Variants in USH2A observed in about 807,000 individuals in gnomAD.
USH2A encodes the protein usherin.
A neutral mutation model predicts 538.9 loss-of-function variants in USH2A; 443 were observed. The ratio of observed to expected loss-of-function variants is 0.82; its 90% CI spans 0.76 to 0.89. The LOEUF (loss-of-function observed/expected upper bound fraction) is 0.89, where lower values mean the gene tolerates loss of function less well. USH2A is among the 40% of genes least tolerant of loss of function. The pLI, the probability that USH2A is intolerant of heterozygous loss-of-function variation, is 0.00. For synonymous variants in USH2A, 2,413 were observed against 2,273.5 expected (o/e 1.06, Z -1.75); for missense variants, 6,633 against 6,324.8 (o/e 1.05, Z -1.65).
chr1:216,279,217 T>C (rs902444852), intron 11 of USH2A, among the ~76,000 whole-genome samples: 7 of 152,214 alleles, frequency 4.6e-5, no homozygotes, highest in Middle Eastern at 3.2e-3. Flanking sequence ...CACACAACTT[T>C]TTAATTCCCT....
intron 21 of USH2A, among the ~76,000 whole-genome samples, chr1:216,167,084 C>A (rs1034760311): frequency 6.6e-6 from 1 of 151,994 alleles, no homozygotes; most frequent in South Asian, 2.1e-4. Context: ...TCCAAACAAA[C>A]GGCCTATGGC....
intron 35 of USH2A, among the ~76,000 whole-genome samples, chr1:215,973,770 G>C (rs554295934): frequency 5.6e-4 from 85 of 151,546 alleles, no homozygotes; most frequent in African/African-American, 1.9e-3. Context: ...AGAGCAGACA[G>C]TTATTGAAAG....
intron 70 of USH2A, among the ~76,000 whole-genome samples, chr1:215,630,482 GTATATA>G (rs1158726890): frequency 0.024 from 545 of 22,460 alleles, 3 homozygotes; most frequent in East Asian, 0.053. Context: ...ATGTGTGTGT[GTATATA>G]TATATATATA....
At chr1:216,414,773 A>AT (rs1028681332) in intron 3 of USH2A, among the ~76,000 whole-genome samples, 1 of 152,080 alleles carries the variant, frequency 6.6e-6, no homozygotes, top group African/African-American at 2.4e-5. Flanking sequence ...ATTTGTGGCC[A>AT]TTTGGAAGAT....
intron 32 of USH2A, among the ~76,000 whole-genome samples, chr1:216,031,151 TTAA>T (rs1669112487): frequency 6.6e-6 from 1 of 152,010 alleles, no homozygotes; most frequent in Non-Finnish European, 1.5e-5. Flanking sequence ...TCAGGGGCTG[TTAA>T]TAATGGTATT....
chr1:216,036,071 T>C (rs559205008), intron 32 of USH2A, among the ~76,000 whole-genome samples: 34 of 152,118 alleles, frequency 2.2e-4, no homozygotes, highest in Non-Finnish European at 3.4e-4. Context: ...ATACATAACG[T>C]TTTGATGGTG....
intron 61 of USH2A, 101 bp from the exon 62 acceptor site, chr1:215,680,477 C>T: frequency 8.7e-7 from 1 of 1,153,100 alleles, no homozygotes; most frequent in Non-Finnish European, 1.3e-6. Flanking sequence ...AGCTTGTAGG[C>T]AACAGCAGCG....
chr1:215,949,999 T>C (rs1301953211), intron 37 of USH2A, among the ~76,000 whole-genome samples: 1 of 152,144 alleles, frequency 6.6e-6, no homozygotes, highest in Middle Eastern at 3.2e-3. Flanking sequence ...TAGAGCAACC[T>C]ACCATTTTTA....
chr1:216,223,966 T>A (rs1347002137), intron 14 of USH2A, among the ~76,000 whole-genome samples: 1 of 152,176 alleles, frequency 6.6e-6, no homozygotes, highest in Non-Finnish European at 1.5e-5. Flanking sequence ...AGAACTTCCC[T>A]GTATTTTATG....
intron 9 of USH2A, among the ~76,000 whole-genome samples, chr1:216,313,906 T>A (rs1051134219): frequency 1.3e-5 from 2 of 152,188 alleles, no homozygotes; most frequent in African/African-American, 2.4e-5. Context: ...AGAAATTAAT[T>A]TCTTACACTT....
chr1:216,033,596 C>T (rs1326100333), intron 32 of USH2A, among the ~76,000 whole-genome samples: 3 of 152,152 alleles, frequency 2.0e-5, no homozygotes, highest in Non-Finnish European at 4.4e-5. Flanking sequence ...AATAGGGCAA[C>T]AGCAGTTTGG....
At chr1:216,165,122 A>C (rs1467911877) in intron 21 of USH2A, among the ~76,000 whole-genome samples, 4 of 152,174 alleles carry the variant, frequency 2.6e-5, no homozygotes, top group African/African-American at 7.2e-5. Flanking sequence ...TGATGCTGTT[A>C]ATCCATCCAT....
intron 58 of USH2A, among the ~76,000 whole-genome samples, chr1:215,751,039 T>C (rs993161325): frequency 6.6e-6 from 1 of 152,154 alleles, no homozygotes; most frequent in Non-Finnish European, 1.5e-5. Context: ...ATTTATAAGT[T>C]AAGAAAAGTG....
At chr1:215,731,918 G>A (rs1571629999) in intron 60 of USH2A, among the ~76,000 whole-genome samples, 1 of 152,162 alleles carries the variant, frequency 6.6e-6, no homozygotes, top group Non-Finnish European at 1.5e-5. Flanking sequence ...TTAGTTCAAT[G>A]ACCTTGGGTG....
In USH2A at chr1:216,325,613, G is replaced by A; in HGVS notation, c.849-14C>T. ...TCCAGAATCTCTCTGTGGGAGTCAA[G>A]AGGGAGACTGTAAGGACAAAGAGCT... On this transcript the variant is annotated splice_polypyrimidine_tract_variant and intron_variant, in intron 5 of 71. Coordinates refer to ENST00000307340, the MANE Select transcript of USH2A (RefSeq NM_206933.4). The A allele has an allele frequency of 1.2e-6, 2 of 1,611,508 alleles. No individual in the cohort carries two copies. Among genetic ancestry groups the A allele is most frequent in the Non-Finnish European group, 1.7e-6 (2 of 1,179,048 alleles).
At position 215,996,560 on chromosome 1, in the gene USH2A, G is replaced by GTTTTTTTTTTTTT. The variant is rs753233925; in HGVS notation, c.6657+2314_6657+2326dup. ...TTTGTTGAGAGTAGCAACATATTAT[G>GTTTTTTTTTTTTT]TTTTTTTTTTTTTTTTTTTTTTTTT... On this transcript the variant is annotated intron_variant, in intron 34 of 71. Transcript: ENST00000307340. Among the ~76,000 whole-genome samples, 13 of 51,718 alleles carry GTTTTTTTTTTTTT rather than the reference G, an allele frequency of 2.5e-4. 2 individuals are homozygous for GTTTTTTTTTTTTT. The highest frequency in any genetic ancestry group is 7.4e-4 in the African/African-American group (8 of 10,788). The allele number at this position is 51,718 out of a possible 152,430, so 33.9% of individuals were successfully genotyped here.
At chr1:216,349,955 T>A (rs2038248524) in intron 4 of USH2A, among the ~76,000 whole-genome samples, 1 of 152,006 alleles carries the variant, frequency 6.6e-6, no homozygotes, top group African/African-American at 2.4e-5. Context: ...GAAAAGAGGG[T>A]TAGTTGACTC....
chr1:215,808,368 C>A (rs1050231250), intron 49 of USH2A, among the ~76,000 whole-genome samples: 1 of 152,090 alleles, frequency 6.6e-6, no homozygotes, highest in Non-Finnish European at 1.5e-5. Flanking sequence ...CCTATTTTGA[C>A]TAGCTGAGTG....
chr1:216,357,756 G>C (rs2038416085), intron 4 of USH2A, among the ~76,000 whole-genome samples: 1 of 152,166 alleles, frequency 6.6e-6, no homozygotes, highest in Non-Finnish European at 1.5e-5. Context: ...ACTGGGAAAA[G>C]TTTTGATTCA....
Sources: gnomAD v4.1 joint callset for allele counts (sites outside exome capture counted in the v4.1 genomes callset) on GRCh38, gnomAD v4.1.1 for gene constraint, MANE v1.5 for transcripts, NCBI Gene and HGNC (gene_info 2026-07-23, HGNC 2026-07-21) for gene names.